PROM1: variants seen among roughly 807,000 people sequenced by gnomAD.
PROM1 encodes prominin-1.
A neutral mutation model predicts 116.9 loss-of-function variants in PROM1; 105 were observed. The observed-to-expected ratio is 0.90, with a 90% CI of 0.77 to 1.06. The LOEUF (loss-of-function observed/expected upper bound fraction) is 1.06, where lower values mean the gene tolerates loss of function less well. PROM1 is among the 50% of genes least tolerant of loss of function. PROM1 has a pLI of 0.00. For missense variants in PROM1, 1,122 were observed against 1,045.2 expected (o/e 1.07, Z -1.01); for synonymous variants, 393 against 387.0 (o/e 1.02, Z -0.18).
In PROM1 at chr4:16,013,894, A is replaced by C. The variant is rs116101500; in HGVS notation, c.1078-556T>G. 9.4e-3 allele frequency among the ~76,000 whole-genome samples: 1,429 copies of C among 152,242 alleles called. 31 individuals carry two copies. Among genetic ancestry groups the C allele is most frequent in the African/African-American group, 0.033 (1,354 of 41,516 alleles). On this transcript the variant is annotated intron_variant, in intron 10 of 27. Coordinates refer to ENST00000447510, the MANE Select transcript of PROM1 (RefSeq NM_006017.3). ...GGGCAGACAGAAAGTGAATTTCTAA[A>C]AACAGAATCTTACTTTCTAATTAAA...
chr4:16,070,246 G>A (rs952893943), intron 2 of PROM1, among the ~76,000 whole-genome samples: 2 of 152,176 alleles, frequency 1.3e-5, no homozygotes, highest in Admixed American at 6.5e-5. Flanking sequence ...TGTCTCCATC[G>A]TTAACGGACT....
rs1724170391 is a variant in PROM1 at position 16,002,675 on chromosome 4, T to G, written c.1455-2056A>C. On this transcript the variant is annotated intron_variant, in intron 13 of 27. Coordinates refer to ENST00000447510, the MANE Select transcript of PROM1 (RefSeq NM_006017.3). ...TGGGAGAGCACAAAGAAGAAGTGAG[T>G]GAGGGCCATGCCAGGATCCCTGTCT... 2.6e-5 allele frequency among the ~76,000 whole-genome samples: 4 copies of G among 152,094 alleles called. No individual in the cohort carries two copies. The South Asian group carries it at 6.2e-4, about 24-fold the overall frequency.
rs75442162 is a variant in PROM1, at chr4:16,028,803, C to T, written c.510-3491G>A. Among the ~76,000 whole-genome samples the T allele has an allele frequency of 1.0e-3, 158 of 152,280 alleles. 1 individual carries two copies. Among genetic ancestry groups the T allele is most frequent in the African/African-American group, 3.3e-3 (138 of 41,556 alleles). Reference sequence around the variant, plus strand: ...ATAAATGCCTTTAAACAATCTAAAACATATGCTTTTAAGCAGTACAACAAA... The same window carrying T: ...ATAAATGCCTTTAAACAATCTAAAATATATGCTTTTAAGCAGTACAACAAA... On this transcript the variant is annotated intron_variant, in intron 5 of 27. Coordinates refer to ENST00000447510, the MANE Select transcript of PROM1 (RefSeq NM_006017.3).
chr4:16,062,199 C>T (rs1237689524), intron 2 of PROM1, among the ~76,000 whole-genome samples: 1 of 152,032 alleles, frequency 6.6e-6, no homozygotes, highest in Admixed American at 6.6e-5. Flanking sequence ...CCACAAATTT[C>T]CCTTTTAAGA....
intron 22 of PROM1, 104 bp downstream of exon 22, chr4:15,985,656 C>T (rs1719180448): frequency 1.3e-5 from 12 of 928,442 alleles, no homozygotes; most frequent in Admixed American, 2.2e-5. Flanking sequence ...TACTTCCTAC[C>T]AAATTATGGG....
chr4:16,009,821 C>T (rs1726436395), intron 11 of PROM1, among the ~76,000 whole-genome samples: 1 of 150,938 alleles, frequency 6.6e-6, no homozygotes, highest in African/African-American at 2.4e-5. Flanking sequence ...ATGCCTGTAA[C>T]TCGGGAGGCT....
rs1727381860 is a variant in PROM1, at chr4:16,013,268, A to C, written c.1141+7T>G. 6.3e-7 allele frequency: 1 copy of C among 1,598,318 alleles called. No individual in the cohort carries two copies. Among genetic ancestry groups the C allele is most frequent in the Non-Finnish European group, 8.6e-7 (1 of 1,165,804 alleles). ...ATCACAAAATCACCTCAAACTGTGAATCTCACCTGCTACGACAGTCGTGGT... is the reference window on the plus strand; with the variant it reads ...ATCACAAAATCACCTCAAACTGTGACTCTCACCTGCTACGACAGTCGTGGT... On this transcript the variant is annotated splice_region_variant and intron_variant, in intron 11 of 27. Transcript: ENST00000447510.
intron 5 of PROM1, 132 bp downstream of exon 5, chr4:16,033,170 CTT>C: frequency 1.3e-6 from 1 of 752,044 alleles, no homozygotes; most frequent in South Asian, 2.2e-5. Context: ...TGTGCTCTCT[CTT>C]TTCTGTTTGG....
At chr4:16,021,522 A>G (rs1204243725) in intron 8 of PROM1, among the ~76,000 whole-genome samples, 1 of 152,240 alleles carries the variant, frequency 6.6e-6, no homozygotes, top group Non-Finnish European at 1.5e-5. Flanking sequence ...GTTACAACCC[A>G]GTTAATATGT....
chr4:16,001,161 T>C lies in PROM1; in HGVS notation c.1455-542A>G, dbSNP rs559660237. On this transcript the variant is annotated intron_variant, in intron 13 of 27. Transcript: ENST00000447510. ...GTTGGTGGATGATGGAGATGTAATA[T>C]AGGAGACACAGGAGGCATAATATAG... Among the ~76,000 whole-genome samples, 4 of 152,062 alleles carry C rather than the reference T, an allele frequency of 2.6e-5. No individual in the cohort carries two copies. In the South Asian group the frequency reaches 6.2e-4, roughly 24 times the overall value.
chr4:15,975,940 C>T (rs1374294752), intron 26 of PROM1, among the ~76,000 whole-genome samples: 1 of 152,210 alleles, frequency 6.6e-6, no homozygotes, highest in Non-Finnish European at 1.5e-5. Context: ...CTTCAACCCA[C>T]CCTTGGAGTT....
At position 16,083,998 on chromosome 4, in the gene PROM1, C is replaced by G. The variant is rs1466790533; in HGVS notation, c.-233G>C. On this transcript the variant is annotated 5_prime_UTR_variant, in exon 1 of 28. An upstream start codon of the reference 5' UTR is lost. Transcript: ENST00000447510. ...CTCACCGCGGCGGGAGAGCTGAGAG[C>G]ATGGCCAGGTGCCGCGTGGGGATCT... is the stretch of plus-strand genomic sequence containing the variant. 2 of 152,366 alleles carry G rather than the reference C, an allele frequency of 1.3e-5. No individual in the cohort carries two copies. Among genetic ancestry groups the G allele is most frequent in the Non-Finnish European group, 2.9e-5 (2 of 68,138 alleles). 9.4% of individuals were successfully genotyped at this position (152,366 alleles called of 1,614,324 possible). A position where few individuals can be genotyped will look rare whatever the true frequency, so the allele number is the denominator to read the frequency against.
At chr4:16,023,250 A>G (rs1414655253) in intron 8 of PROM1, 76 bp downstream of exon 8, 3 of 1,314,638 alleles carry the variant, frequency 2.3e-6, no homozygotes, top group South Asian at 1.3e-5. Context: ...AGGGAACAAG[A>G]AAAGAGTGAG....
chr4:15,986,293 A>G (rs896152325), intron 20 of PROM1, among the ~76,000 whole-genome samples: 7 of 152,168 alleles, frequency 4.6e-5, no homozygotes, highest in African/African-American at 1.7e-4. Context: ...GGAAACTCAC[A>G]ACGAGGCAGG....
chr4:16,016,372 A>G, intron 9 of PROM1, 132 bp from the exon 10 acceptor site: 2 of 719,796 alleles, frequency 2.8e-6, no homozygotes, highest in South Asian at 4.0e-5. Context: ...GTTTCTTTTG[A>G]ACAATAGAGT....
At chr4:16,050,876 AG>A (rs1326528725) in intron 2 of PROM1, among the ~76,000 whole-genome samples, 3 of 152,242 alleles carry the variant, frequency 2.0e-5, no homozygotes, top group Non-Finnish European at 2.9e-5. Flanking sequence ...AATGCTTAAT[AG>A]GCACAAATAC....
chr4:16,081,050 T>C (rs115573438), intron 1 of PROM1, among the ~76,000 whole-genome samples: 1,947 of 150,062 alleles, frequency 0.013, 39 homozygotes, highest in African/African-American at 0.045. Flanking sequence ...TATACATATA[T>C]ATATGTATAT....
chr4:16,038,660 CA>C (rs1342678760), intron 3 of PROM1, among the ~76,000 whole-genome samples: 2 of 152,192 alleles, frequency 1.3e-5, no homozygotes, highest in African/African-American at 4.8e-5. Flanking sequence ...CTCAGCCTAC[CA>C]AAGTGCTGGG....
intron 13 of PROM1, among the ~76,000 whole-genome samples, chr4:16,001,715 C>T (rs573130215): frequency 5.3e-5 from 8 of 152,148 alleles, no homozygotes; most frequent in East Asian, 1.9e-4. Flanking sequence ...CGGAGTGGAC[C>T]GGAGAGTCAG....
Sources: allele counts gnomAD v4.1 joint callset (sites outside exome capture counted in the v4.1 genomes callset), GRCh38; gene constraint gnomAD v4.1.1; transcripts MANE v1.5; gene names NCBI Gene and HGNC (gene_info 2026-07-23, HGNC 2026-07-21).